Variants in CACNA2D3 observed in about 807,000 individuals in gnomAD.
CACNA2D3 encodes calcium voltage-gated channel auxiliary subunit alpha2delta 3, also known as voltage-dependent calcium channel subunit alpha-2/delta-3.
In CACNA2D3, 60 loss-of-function variants were observed where a neutral mutation model predicts 160.6. That is an observed-to-expected ratio of 0.37 (90% CI 0.30 to 0.46). The LOEUF (loss-of-function observed/expected upper bound fraction) is 0.46, where lower values mean the gene tolerates loss of function less well. Among genes scored for constraint, CACNA2D3 ranks in the 20% least tolerant of loss-of-function variants. The pLI is 1.00. For missense variants in CACNA2D3, 1,205 were observed against 1,365.0 expected, an observed-to-expected ratio of 0.88 and a Z score of 1.85; for synonymous variants, 558 against 492.9, an observed-to-expected ratio of 1.13 and a Z score of -1.75.
chr3:54,594,995 C>T (rs572290334), intron 9 of CACNA2D3, among the ~76,000 whole-genome samples: 10 of 152,238 alleles, frequency 6.6e-5, no homozygotes, highest in Admixed American at 2.6e-4. Context: ...GTTACCTTTC[C>T]GGCATGGTTC....
rs905715975 is a variant in CACNA2D3, at chr3:54,729,690, C to G, written c.1168-22909C>G. ...CTCTGAATGCTAATTGTTAATGGTA[C>G]TCTATGTTTTAAAAATCAGTGTTTA... On this transcript the variant is annotated intron_variant, in intron 11 of 37. Transcript: ENST00000474759. Among the ~76,000 whole-genome samples, 30 of 152,160 alleles carry G rather than the reference C, an allele frequency of 2.0e-4. 1 individual carries two copies. The highest frequency in any genetic ancestry group is 1.6e-3 in the Admixed American group (24 of 15,278).
At chr3:54,717,808 G>A (rs117904040) in intron 11 of CACNA2D3, among the ~76,000 whole-genome samples, 4 of 138,122 alleles carry the variant, frequency 2.9e-5, no homozygotes, top group Non-Finnish European at 4.7e-5. Flanking sequence ...GCGTGTGTGC[G>A]CATGTTTGCG....
chr3:54,786,785 T>C (rs555959100), intron 13 of CACNA2D3, among the ~76,000 whole-genome samples: 5 of 152,314 alleles, frequency 3.3e-5, no homozygotes, highest in African/African-American at 4.8e-5. Flanking sequence ...ATTTTACATA[T>C]GGAATGTTGA....
intron 11 of CACNA2D3, among the ~76,000 whole-genome samples, chr3:54,648,865 T>A (rs1699703695): frequency 6.6e-6 from 1 of 152,272 alleles, no homozygotes; most frequent in South Asian, 2.1e-4. Flanking sequence ...CTGTTTTTAG[T>A]GATCGGCTCT....
chr3:54,208,726 G>A (rs1701317955), intron 2 of CACNA2D3, among the ~76,000 whole-genome samples: 1 of 145,556 alleles, frequency 6.9e-6, no homozygotes. Flanking sequence ...GCATCACTGT[G>A]TAGGTGGTCA....
At chr3:54,856,436 C>CTT (rs1699172133) in intron 17 of CACNA2D3, among the ~76,000 whole-genome samples, 1 of 152,114 alleles carries the variant, frequency 6.6e-6, no homozygotes, top group African/African-American at 2.4e-5. Flanking sequence ...TGGAACCCTT[C>CTT]CTCCCTTCCT....
At chr3:54,749,141 G>C (rs1486847188) in intron 11 of CACNA2D3, among the ~76,000 whole-genome samples, 1 of 152,100 alleles carries the variant, frequency 6.6e-6, no homozygotes. Flanking sequence ...AGCAATGCTA[G>C]TTTGTAAAAT....
chr3:54,663,725 C>T (rs1221228846), intron 11 of CACNA2D3, among the ~76,000 whole-genome samples: 1 of 152,238 alleles, frequency 6.6e-6, no homozygotes, highest in Non-Finnish European at 1.5e-5. Flanking sequence ...GATGCACCAG[C>T]AGATGGGGGC....
chr3:54,339,978 C>T (rs1704478346), intron 3 of CACNA2D3, among the ~76,000 whole-genome samples: 1 of 152,106 alleles, frequency 6.6e-6, no homozygotes, highest in East Asian at 1.9e-4. Context: ...AGAGTTATTT[C>T]TTGGAGAAAA....
At chr3:54,520,747 C>T (rs923361122) in intron 5 of CACNA2D3, among the ~76,000 whole-genome samples, 4 of 152,174 alleles carry the variant, frequency 2.6e-5, no homozygotes, top group African/African-American at 9.6e-5. Flanking sequence ...AAACCCTGTA[C>T]TCTTTGGCTA....
At chr3:54,918,326 T>TTTTTTC in intron 27 of CACNA2D3, 4 of 402,174 alleles carry the variant, frequency 9.9e-6, no homozygotes, top group South Asian at 4.5e-5. Flanking sequence ...CACATCTTTT[T>TTTTTTC]TTTTTCTTTT....
chr3:54,829,678 C>T (rs944174796), intron 14 of CACNA2D3, among the ~76,000 whole-genome samples: 1 of 151,968 alleles, frequency 6.6e-6, no homozygotes, highest in Non-Finnish European at 1.5e-5. Flanking sequence ...CCCATTAACC[C>T]TATTATGTGC....
chr3:54,947,757 C>T (rs924026584), intron 27 of CACNA2D3, among the ~76,000 whole-genome samples: 1 of 152,146 alleles, frequency 6.6e-6, no homozygotes, highest in Non-Finnish European at 1.5e-5. Context: ...ATATGAAGGG[C>T]TTGGATGCTA....
At chr3:54,418,175 A>G (rs535084394) in intron 4 of CACNA2D3, among the ~76,000 whole-genome samples, 9 of 152,244 alleles carry the variant, frequency 5.9e-5, no homozygotes, top group African/African-American at 2.2e-4. Flanking sequence ...TTTACTCTAG[A>G]CGTTAGTTTG....
At chr3:54,724,279 A>T (rs1213413886) in intron 11 of CACNA2D3, among the ~76,000 whole-genome samples, 1 of 152,172 alleles carries the variant, frequency 6.6e-6, no homozygotes, top group African/African-American at 2.4e-5. Context: ...AAGTTCTTAG[A>T]GACCTACAAA....
At chr3:55,035,746 G>A (rs1216394807) in intron 35 of CACNA2D3, among the ~76,000 whole-genome samples, 1 of 152,148 alleles carries the variant, frequency 6.6e-6, no homozygotes, top group Non-Finnish European at 1.5e-5. Context: ...AGACAATCTT[G>A]TTTGCCGTGT....
intron 34 of CACNA2D3, among the ~76,000 whole-genome samples, chr3:55,015,380 A>T (rs1393234212): frequency 6.6e-6 from 1 of 152,112 alleles, no homozygotes; most frequent in African/African-American, 2.4e-5. Flanking sequence ...CATACCTCAT[A>T]GTTTATTTTT....
chr3:54,837,045 C>T, intron 14 of CACNA2D3, 114 bp from the exon 15 acceptor site: 1 of 855,564 alleles, frequency 1.2e-6, no homozygotes, highest in Non-Finnish European at 2.0e-6. Context: ...TGAGTGGGCA[C>T]TGTTCCATCT....
At chr3:54,383,215 T>G (rs1699133103) in intron 3 of CACNA2D3, among the ~76,000 whole-genome samples, 1 of 152,212 alleles carries the variant, frequency 6.6e-6, no homozygotes, top group Admixed American at 6.5e-5. Flanking sequence ...ATAAGAGTAC[T>G]TTCAGAGGAA....
Sources: allele counts gnomAD v4.1 joint callset (sites outside exome capture counted in the v4.1 genomes callset), GRCh38; gene constraint gnomAD v4.1.1; transcripts MANE v1.5; gene names NCBI Gene and HGNC (gene_info 2026-07-23, HGNC 2026-07-21).